The following PPP1R13B variants were observed in gnomAD, a reference collection of about 807,000 sequenced individuals.
PPP1R13B encodes the protein protein phosphatase 1 regulatory subunit 13B, also known as apoptosis-stimulating of p53 protein 1.
PPP1R13B carries 44 observed loss-of-function variants against 119.8 expected under a neutral mutation model. That is an observed-to-expected ratio of 0.37 (90% CI 0.29 to 0.47). PPP1R13B has a LOEUF of 0.47. Among genes scored for constraint, PPP1R13B ranks in the 20% least tolerant of loss-of-function variants. PPP1R13B has a pLI of 0.99. For synonymous variants in PPP1R13B, 542 were observed against 561.5 expected, an observed-to-expected ratio of 0.97 and a Z score of 0.49; for missense variants, 1,227 against 1,413.5, an observed-to-expected ratio of 0.87 and a Z score of 2.12.
intron 1 of PPP1R13B, among the ~76,000 whole-genome samples, chr14:103,845,168 T>C (rs1254652137): frequency 6.6e-6 from 1 of 152,210 alleles, no homozygotes; most frequent in South Asian, 2.1e-4. Flanking sequence ...CAACGTTCCT[T>C]TGATTCATCA....
At chr14:103,820,650 G>T (rs1189008730) in intron 1 of PPP1R13B, among the ~76,000 whole-genome samples, 1 of 144,012 alleles carries the variant, frequency 6.9e-6, no homozygotes, top group African/African-American at 2.6e-5. Context: ...ACCATGCCCA[G>T]GATTTTTTTT....
rs112472961 is a variant in PPP1R13B, at chr14:103,805,442, A to G, written c.10-7924T>C. ...AAAAAGTAGCTGGGCATGGTGGCAC[A>G]CGTCTATAGTCCCAGCTACTCAGGA... On this transcript the variant is annotated intron_variant, in intron 1 of 16. Coordinates refer to ENST00000202556, the MANE Select transcript of PPP1R13B (RefSeq NM_015316.3). Among the ~76,000 whole-genome samples, 188 of 152,098 alleles carry G rather than the reference A, an allele frequency of 1.2e-3. 1 individual carries two copies. Among genetic ancestry groups the G allele is most frequent in the Non-Finnish European group, 2.4e-3 (163 of 67,988 alleles).
In PPP1R13B at chr14:103,833,204, C is replaced by T. The variant is rs552598766; in HGVS notation, c.9+14095G>A. The stretch of plus-strand genomic sequence containing the variant: ...TCTTTCTCAGGAACAGGTTCAAATT[C>T]TTATGTAGGTAATACACTTCCCTCA... On this transcript the variant is annotated intron_variant, in intron 1 of 16. Coordinates refer to ENST00000202556, the MANE Select transcript of PPP1R13B (RefSeq NM_015316.3). 2.0e-5 allele frequency among the ~76,000 whole-genome samples: 3 copies of T among 152,262 alleles called. No individual in the cohort carries two copies. In the South Asian group the frequency reaches 6.2e-4, roughly 32 times the overall value.
At chr14:103,758,692 G>A (rs2084734571) in intron 4 of PPP1R13B, among the ~76,000 whole-genome samples, 1 of 152,206 alleles carries the variant, frequency 6.6e-6, no homozygotes, top group Non-Finnish European at 1.5e-5. Context: ...GCTCATTAAA[G>A]CCCTAGAGCT....
chr14:103,751,609 G>A (rs1372518673), intron 7 of PPP1R13B, among the ~76,000 whole-genome samples: 1 of 152,138 alleles, frequency 6.6e-6, no homozygotes, highest in Non-Finnish European at 1.5e-5. Flanking sequence ...GTCTTTAGGA[G>A]GTAATTAGGT....
At chr14:103,799,279 C>T (rs550927785) in intron 1 of PPP1R13B, among the ~76,000 whole-genome samples, 12 of 152,160 alleles carry the variant, frequency 7.9e-5, no homozygotes, top group African/African-American at 2.9e-4. Flanking sequence ...CTTGGGTTCA[C>T]GCCATTCTCC....
intron 3 of PPP1R13B, among the ~76,000 whole-genome samples, chr14:103,779,636 G>T (rs2085292334): frequency 6.6e-6 from 1 of 151,330 alleles, no homozygotes; most frequent in South Asian, 2.1e-4. Flanking sequence ...ACAGAAAGTA[G>T]CGAGGCATGG....
At chr14:103,766,288 G>A (rs995647556) in intron 4 of PPP1R13B, among the ~76,000 whole-genome samples, 18 of 152,068 alleles carry the variant, frequency 1.2e-4, no homozygotes, top group Admixed American at 9.2e-4. Context: ...GATTACAGGC[G>A]TCATCCACCG....
chr14:103,834,922 T>C (rs891238141), intron 1 of PPP1R13B, among the ~76,000 whole-genome samples: 5 of 151,856 alleles, frequency 3.3e-5, no homozygotes, highest in African/African-American at 1.2e-4. Flanking sequence ...AGCAAACTAT[T>C]CTCTCTCTGT....
intron 2 of PPP1R13B, among the ~76,000 whole-genome samples, chr14:103,788,038 A>G (rs1195027137): frequency 6.6e-6 from 1 of 151,832 alleles, no homozygotes; most frequent in African/African-American, 2.4e-5. Context: ...GCTTGAGCCC[A>G]GGAGGTTGAA....
chr14:103,769,912 A>G (rs951165199), intron 4 of PPP1R13B, among the ~76,000 whole-genome samples: 1 of 152,332 alleles, frequency 6.6e-6, no homozygotes, highest in African/African-American at 2.4e-5. Context: ...ATCTCATTAA[A>G]TTCTGAAGCC....
chr14:103,834,236 C>A (rs2086723673), intron 1 of PPP1R13B, among the ~76,000 whole-genome samples: 1 of 152,120 alleles, frequency 6.6e-6, no homozygotes, highest in Non-Finnish European at 1.5e-5. Context: ...ACTAGCTGGG[C>A]ATGGTGGCAC....
chr14:103,754,517 G>A (rs950895164), intron 5 of PPP1R13B, among the ~76,000 whole-genome samples: 8 of 135,494 alleles, frequency 5.9e-5, no homozygotes, highest in East Asian at 2.3e-4. Context: ...AGCTGAGATC[G>A]TGCCACTGCA....
intron 2 of PPP1R13B, among the ~76,000 whole-genome samples, chr14:103,790,761 T>C (rs991826412): frequency 6.6e-6 from 1 of 152,198 alleles, no homozygotes; most frequent in Non-Finnish European, 1.5e-5. Context: ...TCCCAGCACT[T>C]TGGGAAGCCA....
rs540635125 is a variant in PPP1R13B at position 103,838,819 on chromosome 14, GT to G, written c.9+8479del. ...ACTATTATGCTCAACTCAGAGGTAA[GT>G]GAGGGGTCAAGTAACTTTAAGGTCA... On this transcript the variant is annotated intron_variant, in intron 1 of 16. Transcript: ENST00000202556. Among the ~76,000 whole-genome samples the G allele has an allele frequency of 5.9e-5, 9 of 152,304 alleles. No individual in the cohort carries two copies. In the South Asian group the frequency reaches 1.9e-3, roughly 32 times the overall value.
intron 1 of PPP1R13B, among the ~76,000 whole-genome samples, chr14:103,826,751 G>A (rs532750033): frequency 2.0e-5 from 3 of 150,348 alleles, no homozygotes; most frequent in Admixed American, 6.6e-5. Flanking sequence ...GCTCATGCCT[G>A]TAATCCCAGC....
intron 1 of PPP1R13B, among the ~76,000 whole-genome samples, chr14:103,827,362 G>A (rs1222940853): frequency 6.6e-6 from 1 of 152,048 alleles, no homozygotes; most frequent in African/African-American, 2.4e-5. Context: ...ACTTTTTGGG[G>A]TGGAGAGTGG....
At chr14:103,747,970 G>A (rs1355045313) in intron 8 of PPP1R13B, among the ~76,000 whole-genome samples, 1 of 151,996 alleles carries the variant, frequency 6.6e-6, no homozygotes, top group African/African-American at 2.4e-5. Context: ...GACTCCAGCT[G>A]CAACATCCTC....
At chr14:103,746,263 C>T (rs1008974845) in intron 9 of PPP1R13B, 110 bp downstream of exon 9, 10 of 1,085,012 alleles carry the variant, frequency 9.2e-6, no homozygotes, top group African/African-American at 1.6e-5. Context: ...TGGAGTCTGA[C>T]GATGTGTGGG....
Sources: gnomAD v4.1 joint callset for allele counts (sites outside exome capture counted in the v4.1 genomes callset) on GRCh38, gnomAD v4.1.1 for gene constraint, MANE v1.5 for transcripts, NCBI Gene and HGNC (gene_info 2026-07-23, HGNC 2026-07-21) for gene names.